RAI14: variants seen among roughly 807,000 people sequenced by gnomAD.
RAI14 encodes ankycorbin.
A neutral mutation model predicts 115.4 loss-of-function variants in RAI14; 45 were observed. That is an observed-to-expected ratio of 0.39 (90% CI 0.31 to 0.50). The LOEUF (loss-of-function observed/expected upper bound fraction) is 0.50. RAI14 is among the 20% of genes least tolerant of loss of function. The pLI is 0.85. For synonymous variants in RAI14, 371 were observed against 415.4 expected (o/e 0.89, Z 1.30); for missense variants, 939 against 1,131.2 (o/e 0.83, Z 2.44).
intron 2 of RAI14, among the ~76,000 whole-genome samples, chr5:34,709,414 C>T (rs1561263354): frequency 6.6e-6 from 1 of 152,276 alleles, no homozygotes; most frequent in East Asian, 1.9e-4. Context: ...TGCCACTGCA[C>T]TCCAGCCTGG....
chr5:34,719,571 T>C (rs1427908939), intron 2 of RAI14, among the ~76,000 whole-genome samples: 1 of 152,226 alleles, frequency 6.6e-6, no homozygotes, highest in Non-Finnish European at 1.5e-5. Flanking sequence ...ACTCCTTGAA[T>C]GTCCTTGCAC....
intron 4 of RAI14, among the ~76,000 whole-genome samples, chr5:34,799,522 ACACACACACACACAC>A (rs1164163464): frequency 3.5e-4 from 39 of 112,790 alleles, no homozygotes; most frequent in African/African-American, 1.1e-3. Flanking sequence ...ACACACACAC[ACACACACACACACAC>A]ACAAAACCAC....
chr5:34,710,074 C>A (rs1741201951), intron 2 of RAI14, among the ~76,000 whole-genome samples: 2 of 152,156 alleles, frequency 1.3e-5, no homozygotes, highest in African/African-American at 4.8e-5. Flanking sequence ...GGAAATACAT[C>A]CTCCGCTTTC....
At chr5:34,759,297 G>A (rs923477924) in intron 3 of RAI14, among the ~76,000 whole-genome samples, 1 of 152,026 alleles carries the variant, frequency 6.6e-6, no homozygotes, top group Non-Finnish European at 1.5e-5. Flanking sequence ...GCTACTCTAG[G>A]GGACACCAGG....
intron 1 of RAI14, among the ~76,000 whole-genome samples, chr5:34,683,297 C>G (rs1458300960): frequency 6.6e-6 from 1 of 152,112 alleles, no homozygotes; most frequent in Non-Finnish European, 1.5e-5. Context: ...ACCCAGCTCT[C>G]ACACACCCAA....
chr5:34,817,285 A>AAAG (rs1476306072), intron 12 of RAI14, among the ~76,000 whole-genome samples: 8 of 150,954 alleles, frequency 5.3e-5, no homozygotes, highest in South Asian at 2.2e-4. Context: ...AAAAAAAAAA[A>AAAG]AAAAGAAAAA....
intron 14 of RAI14, among the ~76,000 whole-genome samples, chr5:34,822,160 T>G (rs544273691): frequency 6.8e-6 from 1 of 147,736 alleles, no homozygotes; most frequent in African/African-American, 2.5e-5. Context: ...ATATACTATA[T>G]GCATAGAATG....
At chr5:34,786,025 G>T (rs1189152002) in intron 3 of RAI14, among the ~76,000 whole-genome samples, 1 of 152,212 alleles carries the variant, frequency 6.6e-6, no homozygotes, top group African/African-American at 2.4e-5. Flanking sequence ...CGAGGCAGAA[G>T]GCTCACAGCT....
At chr5:34,813,543 C>T in intron 10 of RAI14, 31 bp from the exon 11 acceptor site, 2 of 1,545,772 alleles carry the variant, frequency 1.3e-6, no homozygotes, top group Non-Finnish European at 1.8e-6. Flanking sequence ...AACTAACCCA[C>T]CTCCATTCTT....
chr5:34,785,991 T>C (rs915423046), intron 3 of RAI14, among the ~76,000 whole-genome samples: 1 of 152,198 alleles, frequency 6.6e-6, no homozygotes, highest in South Asian at 2.1e-4. Context: ...CACAGACTCC[T>C]GTTGGGACCT....
chr5:34,725,674 A>G (rs1471689123), intron 2 of RAI14, among the ~76,000 whole-genome samples: 7 of 152,050 alleles, frequency 4.6e-5, no homozygotes. Flanking sequence ...TGCAATTAAA[A>G]TAAGATGCTG....
intron 2 of RAI14, among the ~76,000 whole-genome samples, chr5:34,730,295 T>C (rs1235383802): frequency 3.3e-5 from 5 of 152,212 alleles, no homozygotes; most frequent in African/African-American, 4.8e-5. Flanking sequence ...TGTATCACTT[T>C]CCTAAAAATA....
rs148711745 is a variant in RAI14, at chr5:34,657,572, G to A, written c.-49+1097G>A. On this transcript the variant is annotated intron_variant, in intron 1 of 17. Transcript: ENST00000265109. Reference sequence around the variant, plus strand: ...GGAATCTGCGGACTCGAGGCCCCTCGCCTCGGGACCAGCGGCTTCTCTTCG... The same window carrying A: ...GGAATCTGCGGACTCGAGGCCCCTCACCTCGGGACCAGCGGCTTCTCTTCG... Among the ~76,000 whole-genome samples the A allele has an allele frequency of 3.6e-3, 543 of 152,276 alleles. 3 individuals are homozygous for A. The highest frequency in any genetic ancestry group is 0.013 in the African/African-American group (523 of 41,574).
At chr5:34,702,210 C>T (rs1356611634) in intron 2 of RAI14, among the ~76,000 whole-genome samples, 1 of 152,214 alleles carries the variant, frequency 6.6e-6, no homozygotes, top group African/African-American at 2.4e-5. Flanking sequence ...AGACTCTAGA[C>T]AACCTCCTCC....
chr5:34,727,723 G>A (rs548425625), intron 2 of RAI14, among the ~76,000 whole-genome samples: 1 of 152,258 alleles, frequency 6.6e-6, no homozygotes, highest in South Asian at 2.1e-4. Context: ...TGAGCCTACA[G>A]GTGCCCAGAA....
chr5:34,667,573 G>GA (rs1266454717), intron 1 of RAI14, among the ~76,000 whole-genome samples: 2 of 151,670 alleles, frequency 1.3e-5, no homozygotes, highest in South Asian at 2.1e-4. Flanking sequence ...TTTTGCATTG[G>GA]AAAAAAACTA....
At chr5:34,745,760 A>G (rs1020723840) in intron 2 of RAI14, among the ~76,000 whole-genome samples, 2 of 152,164 alleles carry the variant, frequency 1.3e-5, no homozygotes, top group African/African-American at 4.8e-5. Context: ...GGAGCTGTTC[A>G]AAGACCCTTA....
intron 6 of RAI14, 90 bp downstream of exon 6, chr5:34,807,947 T>C (rs1755122969): frequency 5.2e-6 from 5 of 963,794 alleles, no homozygotes; most frequent in Non-Finnish European, 6.7e-6. Flanking sequence ...TTCCATACTA[T>C]TCCTGGTGCT....
chr5:34,827,178 G>A lies in RAI14; in HGVS notation c.2799+699G>A, dbSNP rs116758580. On this transcript the variant is annotated intron_variant, in intron 16 of 17. Coordinates refer to ENST00000265109, the MANE Select transcript of RAI14 (RefSeq NM_015577.3). This position sits in a 1 kb window ranked among gnomAD's most constrained non-coding sequence, Gnocchi z 4.2. ...TCCATCTTCGAGGCACATCACTCCA[G>A]CATCTGCTCAGTCTTCCCATCTCCT... Among the ~76,000 whole-genome samples, 3 of 152,130 alleles carry A rather than the reference G, an allele frequency of 2.0e-5. No individual in the cohort carries two copies. The highest frequency in any genetic ancestry group is 7.2e-5 in the African/African-American group (3 of 41,508).
Sources: gnomAD v4.1 joint callset for allele counts (sites outside exome capture counted in the v4.1 genomes callset) on GRCh38, gnomAD v4.1.1 for gene constraint, Gnocchi (gnomAD v3.1) non-coding constraint, MANE v1.5 for transcripts, NCBI Gene and HGNC (gene_info 2026-07-23, HGNC 2026-07-21) for gene names.